The following F10 variants were observed in gnomAD, a reference collection of about 807,000 sequenced individuals.
F10 encodes Stuart-Prower factor.
In F10, 29 loss-of-function variants were observed where a neutral mutation model predicts 37.1. The ratio of observed to expected loss-of-function variants is 0.78; its 90% confidence interval spans 0.58 to 1.07. F10 has a LOEUF of 1.07. Ranked by LOEUF, F10 falls within the 50% of genes least tolerant of loss-of-function variation. The pLI is 0.00. For synonymous variants in F10, 262 were observed against 268.6 expected, an observed-to-expected ratio of 0.98 and a Z score of 0.24; for missense variants, 539 against 667.9, an observed-to-expected ratio of 0.81 and a Z score of 2.13.
Position 113,143,718 on chromosome 13 carries a change from AAGCCC to A in F10, c.503-132_503-128del. 676 of 1,312,108 alleles carry A rather than the reference AAGCCC, an allele frequency of 5.2e-4. No individual in the cohort carries two copies. The highest frequency in any genetic ancestry group is 3.9e-3 in the Admixed American group (171 of 44,384). 81.3% of individuals were successfully genotyped at this position (1,312,108 alleles called of 1,614,324 possible). A position where few individuals can be genotyped will look rare whatever the true frequency, so the allele number is the denominator to read the frequency against. On this transcript the variant is annotated intron_variant, in intron 5 of 7. Coordinates refer to ENST00000375559, the MANE Select transcript of F10 (RefSeq NM_000504.4). The surrounding 1 kb of genome is among the most constrained non-coding windows in gnomAD (Gnocchi z 6.8). ...CCGACGACGTGGGGCCTCGCCCTGC[AAGCCC>A]GCTGCCCCTCCGGGTGCCCCTGCGC...
intron 2 of F10, among the ~76,000 whole-genome samples, chr13:113,132,245 A>AT (rs557034958): frequency 6.6e-6 from 1 of 152,186 alleles, no homozygotes; most frequent in Non-Finnish European, 1.5e-5. Flanking sequence ...ATATACATAT[A>AT]TTTTTTTCCA....
At chr13:113,142,652 A>G (rs2036542437) in intron 5 of F10, among the ~76,000 whole-genome samples, 2 of 147,418 alleles carry the variant, frequency 1.4e-5, no homozygotes, top group Admixed American at 1.3e-4. Flanking sequence ...CAGGCTGGGC[A>G]AGGTGGCTCA....
intron 2 of F10, among the ~76,000 whole-genome samples, chr13:113,136,209 T>TA (rs1235698070): frequency 1.3e-5 from 2 of 151,808 alleles, no homozygotes; most frequent in Non-Finnish European, 2.9e-5. Flanking sequence ...ACTCATAGAG[T>TA]AAAAAACACT....
chr13:113,129,672 G>A lies in F10; in HGVS notation c.231+60G>A, dbSNP rs894238111. 1.2e-5 allele frequency: 19 copies of A among 1,607,640 alleles called. No homozygotes were observed. The African/African-American group carries it at 2.5e-4, about 21-fold the overall frequency. On this transcript the variant is annotated intron_variant, in intron 2 of 7. Transcript: ENST00000375559. The stretch of plus-strand genomic sequence containing the variant: ...AGCTCAGGCCACAGCGCCCTCGCTG[G>A]CCCCGCTGCTCCGTCCATCCAGGGG...
intron 4 of F10, chr13:113,140,457 C>T (rs1017137566): frequency 2.1e-6 from 1 of 465,494 alleles, no homozygotes; most frequent in African/African-American, 2.0e-5. Context: ...AATTACGCAT[C>T]ATTCCATTCC....
intron 2 of F10, among the ~76,000 whole-genome samples, chr13:113,137,725 C>T (rs756337391): frequency 2.6e-5 from 4 of 152,116 alleles, no homozygotes; most frequent in African/African-American, 4.8e-5. Context: ...CCTTGGGCTG[C>T]GGACGCGTCG....
At chr13:113,128,850 C>T (rs954554326) in intron 1 of F10, 3 of 141,860 alleles carry the variant, frequency 2.1e-5, no homozygotes, top group African/African-American at 8.1e-5. Flanking sequence ...CATTGCACTC[C>T]AGCCTGGATG....
At chr13:113,130,248 T>C (rs2036419317) in intron 2 of F10, 3 of 161,762 alleles carry the variant, frequency 1.9e-5, no homozygotes, top group South Asian at 3.7e-4. Flanking sequence ...GAACCCAGCA[T>C]CGCGCCTGCG....
At chr13:113,126,244 G>A (rs530623220) in intron 1 of F10, among the ~76,000 whole-genome samples, 13 of 152,246 alleles carry the variant, frequency 8.5e-5, no homozygotes, top group Admixed American at 3.9e-4. Flanking sequence ...TTTCCACCCC[G>A]TGCCTGCCAC....
rs753934140 is a variant in F10, at chr13:113,143,841, T to C, written c.503-10T>C. ...TGTGCTGAAGGCCCCGGCCGTCCTCTTTCTTTCAGGGCCCTACCCCTGTGG... is the reference window on the plus strand; with the variant it reads ...TGTGCTGAAGGCCCCGGCCGTCCTCCTTCTTTCAGGGCCCTACCCCTGTGG... On this transcript the variant is annotated splice_polypyrimidine_tract_variant and intron_variant, in intron 5 of 7. Coordinates refer to ENST00000375559, the MANE Select transcript of F10 (RefSeq NM_000504.4). This position sits in a 1 kb window ranked among gnomAD's most constrained non-coding sequence, Gnocchi z 6.8. 3.1e-6 allele frequency: 5 copies of C among 1,611,782 alleles called. No homozygotes were observed. In the South Asian group the frequency reaches 5.5e-5, roughly 18 times the overall value.
chr13:113,140,570 T>C (rs1477393972), intron 4 of F10: 2 of 514,782 alleles, frequency 3.9e-6, no homozygotes, highest in Admixed American at 4.6e-5. Flanking sequence ...ATTTCAGGCA[T>C]GTTGATCTTT....
chr13:113,129,068 C>T lies in F10; in HGVS notation c.71-384C>T, dbSNP rs3211734. On this transcript the variant is annotated intron_variant, in intron 1 of 7. Coordinates refer to ENST00000375559, the MANE Select transcript of F10 (RefSeq NM_000504.4). ...ATTTATTTTAGGGCCTGCTATATGT[C>T]ATGTGATCCTATACTAGAGAAGTCA... Among the ~76,000 whole-genome samples, 915 of 152,212 alleles carry T rather than the reference C, an allele frequency of 6.0e-3. 11 individuals are homozygous for T. The highest frequency in any genetic ancestry group is 0.021 in the African/African-American group (878 of 41,514).
chr13:113,129,377 G>C (rs2036403075), intron 1 of F10, 75 bp from the exon 2 acceptor site: 1 of 1,588,138 alleles, frequency 6.3e-7, no homozygotes, highest in African/African-American at 1.3e-5. Context: ...GGACATGGCA[G>C]TCAGGGAGCA....
chr13:113,140,172 C>A (rs1260676418), intron 4 of F10, among the ~76,000 whole-genome samples: 1 of 148,600 alleles, frequency 6.7e-6, no homozygotes, highest in Non-Finnish European at 1.5e-5. Context: ...CTGCCAGGTT[C>A]ACGCCATTCT....
chr13:113,149,201 A>T lies in F10; in HGVS notation c.1151A>T (p.Tyr384Phe). The change falls in exon 8 of 8, where the codon TAC (tyrosine) becomes TTC (phenylalanine). Residue 384 changes from tyrosine (Y) to phenylalanine (F), a missense_variant. Tyr to Phe is a conservative substitution (Grantham distance 22). This residue lies in a region of F10 where 409 missense variants were observed against 547.9 expected (regional missense o/e 0.75). Coordinates refer to ENST00000375559, the MANE Select transcript of F10 (RefSeq NM_000504.4). The surrounding 1 kb of genome is among the most constrained non-coding windows in gnomAD (Gnocchi z 7.5). ...AGGCTCAAGATGCTGGAGGTGCCCT[A>T]CGTGGACCGCAACAGCTGCAAGCTG... The part of the protein sequence containing the change: ...STRLKMLEVP[Y>F]VDRNSCKLSS... The T allele has an allele frequency of 6.2e-7, 1 of 1,612,892 alleles. No individual in the cohort carries two copies. The highest frequency in any genetic ancestry group is 1.3e-5 in the African/African-American group (1 of 75,008).
At chr13:113,140,734 G>A (rs1439195607) in intron 4 of F10, 185 bp from the exon 5 acceptor site, 2 of 842,066 alleles carry the variant, frequency 2.4e-6, no homozygotes, top group Non-Finnish European at 4.0e-6. Context: ...ACTGCACCAT[G>A]AGCTCCCCGT....
Position 113,143,662 on chromosome 13 carries a change from C to G in F10, c.503-189C>G, listed in dbSNP as rs1354780350. 6.6e-6 allele frequency among the ~76,000 whole-genome samples: 1 copy of G among 152,162 alleles called. No individual in the cohort carries two copies. The highest frequency in any genetic ancestry group is 2.4e-5 in the African/African-American group (1 of 41,434). ...ACCTGAGGGGAGGCCAACGCTCGGA[C>G]AGCTGCGCTCACCTGCAGATCCGAC... On this transcript the variant is annotated intron_variant, in intron 5 of 7. Coordinates refer to ENST00000375559, the MANE Select transcript of F10 (RefSeq NM_000504.4). This position sits in a 1 kb window ranked among gnomAD's most constrained non-coding sequence, Gnocchi z 6.8.
chr13:113,148,366 A>ATACG (rs1566922326), intron 7 of F10, among the ~76,000 whole-genome samples: 1 of 94,772 alleles, frequency 1.1e-5, no homozygotes, highest in East Asian at 3.9e-4. Context: ...ATATATATGT[A>ATACG]TATATATATG....
In F10 at chr13:113,143,071, C is replaced by T. The variant is rs2036547801; in HGVS notation, c.503-780C>T. Among the ~76,000 whole-genome samples, 2 of 152,194 alleles carry T rather than the reference C, an allele frequency of 1.3e-5. No individual in the cohort carries two copies. The highest frequency in any genetic ancestry group is 2.1e-4 in the South Asian group (1 of 4,828). ...GCAGATTCACCGGAGCCTCCTCAGA[C>T]TGCGCAGGAGCACAGCAAGTAAACA... On this transcript the variant is annotated intron_variant, in intron 5 of 7. Transcript: ENST00000375559. The surrounding 1 kb of genome is among the most constrained non-coding windows in gnomAD (Gnocchi z 6.8).
Sources: gnomAD v4.1 joint callset for allele counts (sites outside exome capture counted in the v4.1 genomes callset) on GRCh38, gnomAD v4.1.1 for gene constraint, gnomAD v4.1.1 regional missense constraint, Gnocchi (gnomAD v3.1) non-coding constraint, MANE v1.5 for transcripts, NCBI Gene and HGNC (gene_info 2026-07-23, HGNC 2026-07-21) for gene names.